The following IFT46 variants were observed in gnomAD, a reference collection of about 807,000 sequenced individuals.
IFT46 encodes intraflagellar transport 46, also known as intraflagellar transport protein 46 homolog.
In IFT46, 19 loss-of-function variants were observed where a neutral mutation model predicts 39.6. The observed-to-expected ratio is 0.48, with a 90% CI of 0.33 to 0.70. The LOEUF (loss-of-function observed/expected upper bound fraction) is 0.70. IFT46 is among the 30% of genes least tolerant of loss of function. The pLI is 0.01. For synonymous variants in IFT46, 117 were observed against 134.8 expected (o/e 0.87, Z 0.91); for missense variants, 334 against 364.8 (o/e 0.92, Z 0.69).
chr11:118,563,350 C>T (rs1938125105), intron 2 of IFT46, among the ~76,000 whole-genome samples: 1 of 151,974 alleles, frequency 6.6e-6, no homozygotes, highest in South Asian at 2.1e-4. Context: ...GAAATAGTGG[C>T]GATGGTTAAA....
intron 2 of IFT46, chr11:118,560,878 G>T: frequency 1.3e-6 from 1 of 781,236 alleles, no homozygotes; most frequent in South Asian, 1.3e-5. Context: ...TCATTTGTCA[G>T]ACTGCTTATG....
intron 8 of IFT46, 65 bp from the exon 9 acceptor site, chr11:118,551,917 A>G: frequency 6.9e-7 from 1 of 1,445,004 alleles, no homozygotes; most frequent in Non-Finnish European, 9.7e-7. Flanking sequence ...CCTCTGGATC[A>G]GCATATTCTA....
At chr11:118,560,592 A>T in intron 2 of IFT46, 2 of 344,878 alleles carry the variant, frequency 5.8e-6, no homozygotes, top group Non-Finnish European at 1.1e-5. Context: ...GTGGGTTTGA[A>T]GAAAAATTAC....
intron 9 of IFT46, among the ~76,000 whole-genome samples, chr11:118,549,756 C>T (rs1385321073): frequency 7.2e-5 from 11 of 151,788 alleles, no homozygotes; most frequent in Non-Finnish European, 1.0e-4. Context: ...ATCTCTTGAC[C>T]TCATGATCAG....
chr11:118,559,920 T>C (rs1937979205), intron 2 of IFT46, 56 bp from the exon 3 acceptor site: 6 of 1,040,350 alleles, frequency 5.8e-6, no homozygotes, highest in Non-Finnish European at 8.7e-6. Flanking sequence ...TAAAAACAAG[T>C]ATTTTTTAGT....
At chr11:118,556,148 G>A (rs765179241) in intron 4 of IFT46, among the ~76,000 whole-genome samples, 179 of 151,966 alleles carry the variant, frequency 1.2e-3, no homozygotes, top group Non-Finnish European at 1.9e-3. Context: ...TCAGCCTCCC[G>A]AGCAGCCGGG....
rs1591354119 is a variant in IFT46, at chr11:118,544,639, T to C, written c.*277A>G. The C allele has an allele frequency of 2.6e-6, 1 of 381,800 alleles. No individual in the cohort carries two copies. Among genetic ancestry groups the C allele is most frequent in the East Asian group, 4.5e-5 (1 of 22,240 alleles). The allele number at this position is 381,800 out of a possible 1,614,324, so 23.7% of individuals were successfully genotyped here. ...GACATCTTTTAAGCTTTCCTCCCAA[T>C]CTAACCTCCATGGGATCTCAGAAAT... On this transcript the variant is annotated 3_prime_UTR_variant, in exon 12 of 12. Transcript: ENST00000264021.
At chr11:118,561,166 T>C in intron 2 of IFT46, 1 of 1,428,596 alleles carries the variant, frequency 7.0e-7, no homozygotes, top group Non-Finnish European at 9.8e-7. Flanking sequence ...ATAAAGTTTT[T>C]GGCACCCTGA....
intron 1 of IFT46, chr11:118,572,309 G>A (rs1263560100): frequency 4.2e-5 from 21 of 502,990 alleles, no homozygotes; most frequent in Non-Finnish European, 6.1e-5. Context: ...AATCGTAACC[G>A]GAGCGGGGTA....
At chr11:118,560,881 T>C (rs1555070477) in intron 2 of IFT46, 2 of 784,196 alleles carry the variant, frequency 2.6e-6, no homozygotes, top group African/African-American at 1.7e-5. Flanking sequence ...TTTGTCAGAC[T>C]GCTTATGCCC....
upstream of IFT46, among the ~76,000 whole-genome samples, chr11:118,567,803 T>A (rs1938262380): frequency 6.6e-6 from 1 of 152,164 alleles, no homozygotes; most frequent in Non-Finnish European, 1.5e-5. Context: ...GAGCACTTAG[T>A]TTTTTTGTGG....
intron 6 of IFT46, 30 bp from the exon 7 acceptor site, chr11:118,554,617 A>C (rs782188169): frequency 2.8e-5 from 44 of 1,570,802 alleles, no homozygotes; most frequent in Non-Finnish European, 3.8e-5. Context: ...GAAAGCAGAA[A>C]GGAAAATGTT....
intron 9 of IFT46, among the ~76,000 whole-genome samples, 179 bp downstream of exon 9, chr11:118,551,607 G>A (rs1951802262): frequency 1.3e-5 from 2 of 150,262 alleles, no homozygotes; most frequent in African/African-American, 4.9e-5. Flanking sequence ...CCGGGAGGTA[G>A]AGGCTGCAGT....
intron 2 of IFT46, among the ~76,000 whole-genome samples, chr11:118,562,418 T>C (rs1938090520): frequency 6.6e-6 from 1 of 152,082 alleles, no homozygotes. Context: ...CCAGCCTGGG[T>C]GACAGAGCAA....
upstream of IFT46, among the ~76,000 whole-genome samples, chr11:118,576,424 GTTAAAA>G (rs1253313350): frequency 6.2e-5 from 2 of 32,240 alleles, no homozygotes; most frequent in African/African-American, 2.4e-4. Context: ...TTCCAAAAAT[GTTAAAA>G]AAAAAAAAAA....
chr11:118,573,724 G>A (rs1555072905), upstream of IFT46: 5 of 692,688 alleles, frequency 7.2e-6, no homozygotes, highest in Non-Finnish European at 1.3e-5. Flanking sequence ...TAAGAACTTG[G>A]ATAATGGGGG....
intron 3 of IFT46, among the ~76,000 whole-genome samples, chr11:118,558,810 C>CAAG (rs1565349577): frequency 6.6e-6 from 1 of 151,162 alleles, no homozygotes; most frequent in African/African-American, 2.4e-5. Context: ...CCCAGCTACT[C>CAAG]GGGAGGCTGA....
chr11:118,571,769 T>A (rs186660572), intron 1 of IFT46, among the ~76,000 whole-genome samples: 1 of 152,368 alleles, frequency 6.6e-6, no homozygotes, highest in African/African-American at 2.4e-5. Flanking sequence ...ACAGGAATAC[T>A]GTATTTGTCT....
chr11:118,573,947 G>A (rs1043493357), upstream of IFT46, among the ~76,000 whole-genome samples: 1 of 152,106 alleles, frequency 6.6e-6, no homozygotes, highest in Admixed American at 6.6e-5. Flanking sequence ...GCATTTTAGA[G>A]CATATTTTTA....
Sources: gnomAD v4.1 joint callset for allele counts (sites outside exome capture counted in the v4.1 genomes callset) on GRCh38, gnomAD v4.1.1 for gene constraint, MANE v1.5 for transcripts, NCBI Gene and HGNC (gene_info 2026-07-23, HGNC 2026-07-21) for gene names.